Variants in HMGA2 observed in about 807,000 individuals in gnomAD.
HMGA2 encodes high mobility group AT-hook 2.
HMGA2 carries 8 observed loss-of-function variants against 19.1 expected under a neutral mutation model. That is an observed-to-expected ratio of 0.42 (90% CI 0.25 to 0.76). The LOEUF is 0.76. Ranked by LOEUF, HMGA2 falls within the 30% of genes least tolerant of loss-of-function variation. HMGA2 has a pLI of 0.28. For missense variants in HMGA2, 109 were observed against 136.3 expected, an observed-to-expected ratio of 0.80 and a Z score of 1.00; for synonymous variants, 60 against 48.8, an observed-to-expected ratio of 1.23 and a Z score of -0.96.
At chr12:65,944,107 A>T (rs1183915380) in intron 3 of HMGA2, among the ~76,000 whole-genome samples, 1 of 152,186 alleles carries the variant, frequency 6.6e-6, no homozygotes, top group Non-Finnish European at 1.5e-5. Context: ...TTCAAACTTC[A>T]GATATATCAT....
rs184057989 is a variant in HMGA2, at chr12:65,858,686, A to G, written c.249+20117A>G. 1.8e-4 allele frequency: 27 copies of G among 152,338 alleles called. 1 individual carries two copies. Among genetic ancestry groups the G allele is most frequent in the African/African-American group, 6.3e-4 (26 of 41,580 alleles). The allele number at this position is 152,338 out of a possible 1,614,324, so 9.4% of individuals were successfully genotyped here. On this transcript the variant is annotated intron_variant, in intron 3 of 4. Transcript: ENST00000403681. The stretch of plus-strand genomic sequence containing the variant: ...ATTTGACATTCCAGGGGTTTAAAAA[A>G]ATGTATATTAAATATTGCAGTAATG...
intron 4 of HMGA2, among the ~76,000 whole-genome samples, chr12:65,961,043 T>G (rs970548397): frequency 6.6e-6 from 1 of 152,222 alleles, no homozygotes; most frequent in African/African-American, 2.4e-5. Context: ...CCGGATAGTA[T>G]AGAAAAATCA....
intron 3 of HMGA2, among the ~76,000 whole-genome samples, chr12:65,861,335 C>G (rs866620521): frequency 4.6e-5 from 7 of 152,024 alleles, no homozygotes; most frequent in African/African-American, 7.3e-5. Context: ...CACCGCACCT[C>G]CAGCCTGGCG....
chr12:65,847,710 G>T (rs1871285478), intron 3 of HMGA2, among the ~76,000 whole-genome samples: 1 of 152,250 alleles, frequency 6.6e-6, no homozygotes, highest in East Asian at 1.9e-4. Context: ...TGTTTCATAA[G>T]AATTAAATGA....
intron 3 of HMGA2, among the ~76,000 whole-genome samples, chr12:65,944,710 C>T (rs74755174): frequency 2.0e-3 from 303 of 152,266 alleles, no homozygotes; most frequent in African/African-American, 7.1e-3. Context: ...TATGAAATTG[C>T]TGATAATTGA....
intron 3 of HMGA2, among the ~76,000 whole-genome samples, chr12:65,872,092 T>C (rs1264706689): frequency 6.6e-6 from 1 of 152,150 alleles, no homozygotes; most frequent in Admixed American, 6.5e-5. Flanking sequence ...AGATCTTTCA[T>C]CCAGTCCGGA....
At chr12:65,872,296 T>G (rs1332878313) in intron 3 of HMGA2, among the ~76,000 whole-genome samples, 5 of 152,192 alleles carry the variant, frequency 3.3e-5, no homozygotes, top group African/African-American at 9.7e-5. Flanking sequence ...CTTCCTTGGA[T>G]GCCTGAAGGT....
At chr12:65,920,988 A>T (rs1355823834) in intron 3 of HMGA2, among the ~76,000 whole-genome samples, 4 of 152,212 alleles carry the variant, frequency 2.6e-5, no homozygotes, top group Non-Finnish European at 5.9e-5. Flanking sequence ...GACTTGTTGA[A>T]TAGCTTTGCC....
At chr12:65,936,345 T>C (rs1405981281) in intron 3 of HMGA2, among the ~76,000 whole-genome samples, 1 of 152,128 alleles carries the variant, frequency 6.6e-6, no homozygotes, top group Non-Finnish European at 1.5e-5. Flanking sequence ...AATGTATGCC[T>C]ATGAACTCTG....
intron 2 of HMGA2, among the ~76,000 whole-genome samples, chr12:65,832,128 T>A (rs1233968145): frequency 1.3e-5 from 2 of 151,932 alleles, no homozygotes; most frequent in African/African-American, 4.8e-5. Context: ...GTCCAACTGT[T>A]GTTCCATTAT....
At chr12:65,942,632 C>T (rs1213008641) in intron 3 of HMGA2, 1 of 152,076 alleles carries the variant, frequency 6.6e-6, no homozygotes, top group Non-Finnish European at 1.5e-5. Context: ...TATTCCTTTA[C>T]CCCACCTGTG....
At chr12:65,907,901 T>C (rs1233665035) in intron 3 of HMGA2, among the ~76,000 whole-genome samples, 21 of 152,174 alleles carry the variant, frequency 1.4e-4, no homozygotes. Context: ...GTGACCTAAG[T>C]TTCATTTTGG....
At chr12:65,870,292 G>A (rs1163892217) in intron 3 of HMGA2, among the ~76,000 whole-genome samples, 4 of 152,074 alleles carry the variant, frequency 2.6e-5, no homozygotes, top group Admixed American at 2.0e-4. Flanking sequence ...TTGTAAGGTA[G>A]TGGTTTTCGA....
At chr12:65,939,262 A>G (rs1239680541) in intron 3 of HMGA2, among the ~76,000 whole-genome samples, 1 of 152,214 alleles carries the variant, frequency 6.6e-6, no homozygotes, top group Admixed American at 6.5e-5. Flanking sequence ...ATACTGGAGC[A>G]TGAAGCAGTG....
chr12:65,956,155 A>G (rs1307359410), intron 4 of HMGA2: 1 of 152,194 alleles, frequency 6.6e-6, no homozygotes, highest in Non-Finnish European at 1.5e-5. Flanking sequence ...TCGTCTACTC[A>G]CTCAAGGAGC....
intron 2 of HMGA2, among the ~76,000 whole-genome samples, chr12:65,837,342 G>T (rs1291401465): frequency 6.6e-6 from 1 of 152,120 alleles, no homozygotes; most frequent in Non-Finnish European, 1.5e-5. Flanking sequence ...CTATCTGTTT[G>T]TCAACTATCA....
chr12:65,892,019 A>G (rs542679035), intron 3 of HMGA2, among the ~76,000 whole-genome samples: 1 of 152,282 alleles, frequency 6.6e-6, no homozygotes, highest in Non-Finnish European at 1.5e-5. Context: ...AGTTTGTACA[A>G]TAATGCGCTG....
chr12:65,899,999 A>G (rs544485985), intron 3 of HMGA2, among the ~76,000 whole-genome samples: 2 of 152,360 alleles, frequency 1.3e-5, no homozygotes, highest in African/African-American at 2.4e-5. Context: ...CGTCTCAATC[A>G]TCTGAATATT....
intron 3 of HMGA2, among the ~76,000 whole-genome samples, chr12:65,910,780 T>C (rs1172610359): frequency 1.3e-5 from 2 of 152,228 alleles, no homozygotes; most frequent in Admixed American, 1.3e-4. Context: ...CATAGTTTTC[T>C]TTTGGTTTCT....
Sources: gnomAD v4.1 joint callset for allele counts (sites outside exome capture counted in the v4.1 genomes callset) on GRCh38, gnomAD v4.1.1 for gene constraint, MANE v1.5 for transcripts, NCBI Gene and HGNC (gene_info 2026-07-23, HGNC 2026-07-21) for gene names.